PTPRQ: variants seen among roughly 807,000 people sequenced by gnomAD.
The protein encoded by PTPRQ is protein tyrosine phosphatase receptor type Q.
PTPRQ carries 199 observed loss-of-function variants against 246.0 expected under a neutral mutation model. That is an observed-to-expected ratio of 0.81 (90% CI 0.72 to 0.91). The LOEUF (loss-of-function observed/expected upper bound fraction) is 0.91, where lower values mean the gene tolerates loss of function less well. PTPRQ is among the 40% of genes least tolerant of loss of function. The pLI, the probability that PTPRQ is intolerant of heterozygous loss-of-function variation, is 0.00. For missense variants in PTPRQ, 2,624 were observed against 2,528.4 expected (o/e 1.04, Z -0.81); for synonymous variants, 869 against 853.2 (o/e 1.02, Z -0.32).
intron 29 of PTPRQ, 101 bp from the exon 30 acceptor site, chr12:80,616,097 CTA>C (rs978441369): frequency 1.4e-5 from 8 of 567,946 alleles, no homozygotes; most frequent in Admixed American, 1.0e-4. Context: ...ATATATATAA[CTA>C]TATATATACA....
intron 25 of PTPRQ, among the ~76,000 whole-genome samples, chr12:80,564,517 C>G (rs959212800): frequency 5.9e-5 from 9 of 152,116 alleles, no homozygotes; most frequent in Non-Finnish European, 4.4e-5. Context: ...TACTTTTTAT[C>G]CATCTATTCA....
At chr12:80,612,423 T>C (rs1592716398) in intron 28 of PTPRQ, among the ~76,000 whole-genome samples, 1 of 150,350 alleles carries the variant, frequency 6.7e-6, no homozygotes, top group East Asian at 2.0e-4. Flanking sequence ...ACAACATAAG[T>C]TTTCAATACC....
intron 30 of PTPRQ, among the ~76,000 whole-genome samples, chr12:80,618,767 C>T (rs1176933319): frequency 4.0e-5 from 6 of 151,324 alleles, no homozygotes; most frequent in African/African-American, 1.5e-4. Context: ...AGCTCTGTAC[C>T]TGGTCACTTG....
intron 35 of PTPRQ, among the ~76,000 whole-genome samples, chr12:80,643,266 C>T (rs886161197): frequency 1.3e-5 from 2 of 151,934 alleles, no homozygotes; most frequent in African/African-American, 4.8e-5. Context: ...GGCAAAATCC[C>T]GTCTCTACTA....
chr12:80,495,145 C>T (rs937438911), intron 11 of PTPRQ, 47 bp from the exon 12 acceptor site: 29 of 1,548,418 alleles, frequency 1.9e-5, no homozygotes, highest in Admixed American at 9.9e-5. Flanking sequence ...TGCTGTTGTA[C>T]ACTGTGATAC....
chr12:80,625,175 A>T (rs1413302274), intron 33 of PTPRQ, among the ~76,000 whole-genome samples: 1 of 152,196 alleles, frequency 6.6e-6, no homozygotes, highest in East Asian at 1.9e-4. Context: ...AAGTGCATTC[A>T]TATAATACCC....
chr12:80,579,115 A>G (rs953567504), intron 25 of PTPRQ, among the ~76,000 whole-genome samples: 2 of 152,164 alleles, frequency 1.3e-5, no homozygotes, highest in Non-Finnish European at 2.9e-5. Context: ...ATTGTAATCT[A>G]TGTTGTGCTT....
rs544734524 is a variant in PTPRQ, at chr12:80,582,857, CAAAACAAAAACA to C, written c.4286-5256_4286-5245del. 1.8e-3 allele frequency among the ~76,000 whole-genome samples: 277 copies of C among 151,986 alleles called. 4 individuals carry two copies. The highest frequency in any genetic ancestry group is 6.5e-3 in the African/African-American group (269 of 41,446). The stretch of plus-strand genomic sequence containing the variant: ...GCAACAGAGTGAGACCTTGTCAAAA[CAAAACAAAAACA>C]AAAACAAAAACAAAACAAAAAAAAC... On this transcript the variant is annotated intron_variant, in intron 25 of 44. Transcript: ENST00000644991.
At chr12:80,516,468 A>C (rs952698391) in intron 17 of PTPRQ, among the ~76,000 whole-genome samples, 6 of 152,226 alleles carry the variant, frequency 3.9e-5, no homozygotes, top group Non-Finnish European at 8.8e-5. Flanking sequence ...GAGATATATA[A>C]CATACAGCAC....
At chr12:80,638,632 G>T (rs1419327945) in intron 35 of PTPRQ, among the ~76,000 whole-genome samples, 1 of 151,978 alleles carries the variant, frequency 6.6e-6, no homozygotes, top group African/African-American at 2.4e-5. Flanking sequence ...TTTGTTATTT[G>T]TAAACTCATT....
At chr12:80,653,936 A>G (rs1178012444) in intron 38 of PTPRQ, among the ~76,000 whole-genome samples, 1 of 152,200 alleles carries the variant, frequency 6.6e-6, no homozygotes, top group African/African-American at 2.4e-5. Flanking sequence ...AAAACAAATC[A>G]TAAGTAAATG....
chr12:80,544,177 T>C (rs1020860943), intron 23 of PTPRQ, among the ~76,000 whole-genome samples: 10 of 152,126 alleles, frequency 6.6e-5, no homozygotes, highest in African/African-American at 1.9e-4. Flanking sequence ...AGTAGGGACA[T>C]TGCTTACCTC....
Position 80,652,805 on chromosome 12 carries a change from C to T in PTPRQ, c.6086C>T (p.Ala2029Val), listed in dbSNP as rs1900297533. Residue 2029 changes from alanine to valine, a missense_variant, in exon 38 of 45, where the codon GCA becomes GTA. Physicochemically the swap from Ala to Val is moderately conservative, Grantham distance 64. Coordinates refer to ENST00000644991, the MANE Select transcript of PTPRQ (RefSeq NM_001145026.2). The part of the protein sequence containing the change: ...STDADLPWNR[A>V]KNRFPNIKPY... ...GATGCTGATCTGCCTTGGAATAGAG[C>T]AAAAAACCGCTTCCCAAACATAAAA... The T allele has an allele frequency of 2.0e-6, 3 of 1,508,202 alleles. No individual in the cohort carries two copies. In the South Asian group the frequency reaches 4.1e-5, roughly 21 times the overall value. 93.4% of individuals were successfully genotyped at this position (1,508,202 alleles called of 1,614,324 possible). A position where few individuals can be genotyped will look rare whatever the true frequency, so the allele number is the denominator to read the frequency against.
intron 23 of PTPRQ, among the ~76,000 whole-genome samples, chr12:80,543,916 A>AT (rs1220623870): frequency 6.6e-6 from 1 of 152,066 alleles, no homozygotes; most frequent in Non-Finnish European, 1.5e-5. Context: ...ACATTATTCC[A>AT]TTTTTTATTT....
chr12:80,490,660 G>A (rs1894417567), intron 9 of PTPRQ, among the ~76,000 whole-genome samples: 1 of 151,944 alleles, frequency 6.6e-6, no homozygotes, highest in African/African-American at 2.4e-5. Context: ...CAATGTACAG[G>A]ACAGCCTCCG....
chr12:80,592,970 C>T (rs1231492593), intron 26 of PTPRQ, among the ~76,000 whole-genome samples: 2 of 152,216 alleles, frequency 1.3e-5, no homozygotes, highest in East Asian at 1.9e-4. Context: ...AAGATTGTGC[C>T]ACTGCACTCT....
intron 39 of PTPRQ, among the ~76,000 whole-genome samples, chr12:80,667,574 T>G (rs1197967537): frequency 6.6e-6 from 1 of 151,890 alleles, no homozygotes; most frequent in Non-Finnish European, 1.5e-5. Context: ...GGTAGGAATT[T>G]CAGTGTCTTT....
chr12:80,621,081 C>T (rs1198065917), intron 32 of PTPRQ, among the ~76,000 whole-genome samples: 1 of 151,704 alleles, frequency 6.6e-6, no homozygotes, highest in African/African-American at 2.4e-5. Context: ...AATGCAGGTG[C>T]TTTCATTTGT....
At chr12:80,635,104 C>T (rs759369407) in intron 35 of PTPRQ, 31 bp downstream of exon 35, 105 of 1,546,658 alleles carry the variant, frequency 6.8e-5, no homozygotes, top group Non-Finnish European at 8.5e-5. Context: ...GAACTGTGGT[C>T]CAGAGGGCCT....
Sources: gnomAD v4.1 joint callset for allele counts (sites outside exome capture counted in the v4.1 genomes callset) on GRCh38, gnomAD v4.1.1 for gene constraint, MANE v1.5 for transcripts, NCBI Gene and HGNC (gene_info 2026-07-23, HGNC 2026-07-21) for gene names.